The following CCDC148 variants were observed in gnomAD, a reference collection of about 807,000 sequenced individuals.
The protein encoded by CCDC148 is coiled-coil domain containing 148, also known as coiled-coil domain-containing protein 148.
A neutral mutation model predicts 85.7 loss-of-function variants in CCDC148; 89 were observed. The observed-to-expected ratio is 1.04, with a 90% CI of 0.87 to 1.24. The LOEUF (loss-of-function observed/expected upper bound fraction) is 1.24. Among genes scored for constraint, CCDC148 ranks in the 50% most tolerant of loss-of-function variants. CCDC148 has a pLI of 0.00. For missense variants in CCDC148, 692 were observed against 671.7 expected (o/e 1.03, Z -0.33); for synonymous variants, 230 against 213.9 (o/e 1.08, Z -0.66).
At chr2:158,439,535 T>G (rs1187616776) in intron 1 of CCDC148, among the ~76,000 whole-genome samples, 2 of 151,778 alleles carry the variant, frequency 1.3e-5, no homozygotes, top group Non-Finnish European at 2.9e-5. Context: ...AAATGATGAG[T>G]TAATGGGTTC....
At chr2:158,307,460 T>C (rs1691747228) in intron 9 of CCDC148, among the ~76,000 whole-genome samples, 1 of 152,224 alleles carries the variant, frequency 6.6e-6, no homozygotes. Flanking sequence ...CGGTTGCAAA[T>C]TTGTATAACC....
chr2:158,431,832 T>A (rs941243892), intron 1 of CCDC148, among the ~76,000 whole-genome samples: 11 of 152,086 alleles, frequency 7.2e-5, no homozygotes, highest in Admixed American at 3.3e-4. Context: ...CAGCTATTTG[T>A]GTGGCTGAGG....
chr2:158,426,013 G>A lies in CCDC148; in HGVS notation c.25+30402C>T, dbSNP rs187400778. 3.6e-4 allele frequency among the ~76,000 whole-genome samples: 55 copies of A among 151,920 alleles called. 1 individual carries two copies. Among genetic ancestry groups the A allele is most frequent in the Admixed American group, 1.4e-3 (22 of 15,262 alleles). ...TTCTTTGACTTTAGAGCTAATCAGT[G>A]GTCTGCTAGAAAAAGCTTTACATGC... On this transcript the variant is annotated intron_variant, in intron 1 of 13. Transcript: ENST00000283233.
At chr2:158,337,620 G>T (rs1005362933) in intron 7 of CCDC148, among the ~76,000 whole-genome samples, 8 of 152,136 alleles carry the variant, frequency 5.3e-5, no homozygotes, top group Non-Finnish European at 8.8e-5. Flanking sequence ...GGAGAGAGAT[G>T]GGGAAGGAAA....
Position 158,172,247 on chromosome 2 carries a change from G to A in CCDC148, c.1642C>T (p.Pro548Ser). 1 of 1,600,118 alleles carries A rather than the reference G, an allele frequency of 6.2e-7. No homozygotes were observed. Among genetic ancestry groups the A allele is most frequent in the Non-Finnish European group, 8.5e-7 (1 of 1,173,406 alleles). ...AGTGCTAACTCGAAGCGAAGTCTAGGGTCAGAAATTATCTGTAGAAATAAA... is the reference window on the plus strand; with the variant it reads ...AGTGCTAACTCGAAGCGAAGTCTAGAGTCAGAAATTATCTGTAGAAATAAA... ...TYNEQQIISD[P>S]RLRFELALRE... The change falls in exon 14 of 14, where the codon CCT becomes TCT. Residue 548 changes from proline (P) to serine (S), a missense_variant. Physicochemically the swap from Pro to Ser is moderately conservative, Grantham distance 74. Coordinates refer to ENST00000283233, the MANE Select transcript of CCDC148 (RefSeq NM_138803.4).
At chr2:158,383,881 A>G (rs1684979098) in intron 1 of CCDC148, among the ~76,000 whole-genome samples, 1 of 152,190 alleles carries the variant, frequency 6.6e-6, no homozygotes, top group Admixed American at 6.5e-5. Flanking sequence ...CTTTATAGAA[A>G]AAGGCTCCAG....
chr2:158,211,025 G>A (rs1176376192), intron 11 of CCDC148, among the ~76,000 whole-genome samples: 3 of 151,044 alleles, frequency 2.0e-5, no homozygotes, highest in Admixed American at 6.6e-5. Context: ...TCACACACCA[G>A]GGCCTACTTG....
intron 1 of CCDC148, among the ~76,000 whole-genome samples, chr2:158,380,555 T>C (rs1439752600): frequency 6.6e-6 from 1 of 152,164 alleles, no homozygotes; most frequent in Non-Finnish European, 1.5e-5. Context: ...CTCTTCCAAA[T>C]TGATTTATAC....
At chr2:158,247,207 A>C (rs1257749051) in intron 10 of CCDC148, among the ~76,000 whole-genome samples, 1 of 152,226 alleles carries the variant, frequency 6.6e-6, no homozygotes, top group Non-Finnish European at 1.5e-5. Flanking sequence ...AGTGAGTTAC[A>C]GAGAAAGAAA....
chr2:158,180,815 C>T (rs958946671), intron 11 of CCDC148, among the ~76,000 whole-genome samples: 3 of 152,124 alleles, frequency 2.0e-5, no homozygotes, highest in African/African-American at 4.8e-5. Context: ...CACAGTGGAT[C>T]CTTGTGGAAT....
chr2:158,438,777 A>C (rs567331988), intron 1 of CCDC148, among the ~76,000 whole-genome samples: 2 of 152,352 alleles, frequency 1.3e-5, no homozygotes, highest in Non-Finnish European at 2.9e-5. Flanking sequence ...ACAAATTTAC[A>C]AGAAAAAAAC....
chr2:158,422,905 T>C (rs948323567), intron 1 of CCDC148, among the ~76,000 whole-genome samples: 1 of 151,814 alleles, frequency 6.6e-6, no homozygotes, highest in Admixed American at 6.6e-5. Flanking sequence ...ACAAAATCAA[T>C]GTGCAAAAAT....
intron 9 of CCDC148, among the ~76,000 whole-genome samples, chr2:158,285,624 G>A (rs916767376): frequency 2.6e-5 from 4 of 151,130 alleles, no homozygotes. Flanking sequence ...TCCGCCTCCC[G>A]GGTTCACACC....
chr2:158,246,046 C>T (rs1255736016), intron 10 of CCDC148, among the ~76,000 whole-genome samples: 1 of 152,168 alleles, frequency 6.6e-6, no homozygotes, highest in Non-Finnish European at 1.5e-5. Context: ...AATATTATTC[C>T]AGTAAATTGG....
intron 10 of CCDC148, among the ~76,000 whole-genome samples, chr2:158,237,823 C>T (rs1291628364): frequency 2.6e-5 from 4 of 152,018 alleles, no homozygotes; most frequent in Non-Finnish European, 5.9e-5. Context: ...CAGGAGACTC[C>T]AAAGCTTAGA....
At chr2:158,380,192 A>G (rs573964959) in intron 1 of CCDC148, among the ~76,000 whole-genome samples, 1 of 152,272 alleles carries the variant, frequency 6.6e-6, no homozygotes, top group Non-Finnish European at 1.5e-5. Context: ...GTATGCTTGC[A>G]GCCGAATTAT....
chr2:158,359,137 T>G (rs761968716), intron 1 of CCDC148, among the ~76,000 whole-genome samples: 1 of 152,178 alleles, frequency 6.6e-6, no homozygotes, highest in Non-Finnish European at 1.5e-5. Context: ...TGTCCTAGTC[T>G]GGTATGATAT....
rs534512442 is a variant in CCDC148 at position 158,328,122 on chromosome 2, G to A, written c.764+10604C>T. 5.7e-4 allele frequency among the ~76,000 whole-genome samples: 86 copies of A among 151,778 alleles called. 2 individuals carry two copies. The highest frequency in any genetic ancestry group is 4.1e-3 in the Admixed American group (63 of 15,232). On this transcript the variant is annotated intron_variant, in intron 7 of 13. Coordinates refer to ENST00000283233, the MANE Select transcript of CCDC148 (RefSeq NM_138803.4). ...GTTGGTGTACTGCACCCAACAACTC[G>A]TCATCTAACATTAGGTATATCACCT...
At chr2:158,318,514 G>C (rs943342379) in intron 7 of CCDC148, among the ~76,000 whole-genome samples, 2 of 152,078 alleles carry the variant, frequency 1.3e-5, no homozygotes, top group African/African-American at 4.8e-5. Context: ...AATCCGGTCA[G>C]AATAGGAGGC....
Sources: gnomAD v4.1 joint callset for allele counts (sites outside exome capture counted in the v4.1 genomes callset) on GRCh38, gnomAD v4.1.1 for gene constraint, MANE v1.5 for transcripts, NCBI Gene and HGNC (gene_info 2026-07-23, HGNC 2026-07-21) for gene names.